The following SYNE2 variants were observed in gnomAD, a reference collection of about 807,000 sequenced individuals.
SYNE2 encodes nesprin-2.
In SYNE2, 431 loss-of-function variants were observed where a neutral mutation model predicts 856.3. The ratio of observed to expected loss-of-function variants is 0.50; its 90% CI spans 0.47 to 0.55. SYNE2 has a LOEUF of 0.55. SYNE2 is among the 20% of genes least tolerant of loss of function. The pLI is 0.00. For synonymous variants in SYNE2, 2,923 were observed against 2,872.3 expected, an observed-to-expected ratio of 1.02 and a Z score of -0.56; for missense variants, 8,129 against 8,023.2, an observed-to-expected ratio of 1.01 and a Z score of -0.50.
At position 64,225,342 on chromosome 14, in the gene SYNE2, A is replaced by G; in HGVS notation, c.20540A>G (p.Gln6847Arg). ...AGGGTCCCCGGCAGCACACGGCCAC[A>G]GCGCTCCTTCCTCTCAAGGGTGGTC... ...ESRVPGSTRP[Q>R]RSFLSRVVRA... is the part of the protein sequence containing the mutation. The change falls in exon 116 of 116, where the codon CAG becomes CGG. Residue 6847 changes from glutamine (Q) to arginine (R), a missense_variant. By Grantham distance (43) the Gln-to-Arg change is conservative. Transcript: ENST00000555002. 1 of 1,614,114 alleles carries G rather than the reference A, an allele frequency of 6.2e-7. No homozygotes were observed.
intron 1 of SYNE2, among the ~76,000 whole-genome samples, chr14:63,782,492 G>C (rs1449959017): frequency 3.3e-5 from 4 of 121,096 alleles, no homozygotes; most frequent in Non-Finnish European, 7.0e-5. Context: ...AAAAAAAAGA[G>C]TGACTGGAAC....
chr14:64,172,885 T>A (rs1344364105), intron 94 of SYNE2, among the ~76,000 whole-genome samples: 4 of 150,760 alleles, frequency 2.7e-5, no homozygotes, highest in African/African-American at 7.4e-5. Context: ...CAACGAGCCA[T>A]GGTCACACCA....
rs573339033 is a variant in SYNE2 at position 64,012,336 on chromosome 14, A to G, written c.4728+2220A>G. Among the ~76,000 whole-genome samples the G allele has an allele frequency of 8.5e-5, 13 of 152,272 alleles. No homozygotes were observed. The East Asian group carries it at 9.6e-4, about 11-fold the overall frequency. The stretch of plus-strand genomic sequence containing the variant: ...CTACCTGAGAGTATTCTTATCCTCT[A>G]TTCTCTGTGTGCTTGTTGGTTTGTA... On this transcript the variant is annotated intron_variant, in intron 32 of 115. Transcript: ENST00000555002.
intron 43 of SYNE2, 33 bp downstream of exon 43, chr14:64,027,826 G>T: frequency 5.2e-6 from 8 of 1,542,428 alleles, no homozygotes; most frequent in Non-Finnish European, 7.2e-6. Context: ...TTAAATGATT[G>T]TTCTAATTAT....
intron 69 of SYNE2, 49 bp downstream of exon 69, chr14:64,122,182 G>T (rs755952404): frequency 1.2e-6 from 2 of 1,613,928 alleles, no homozygotes; most frequent in South Asian, 1.1e-5. Flanking sequence ...TTATGACTGG[G>T]AGAATTAAGA....
At chr14:63,789,401 G>C (rs914781456) in intron 1 of SYNE2, among the ~76,000 whole-genome samples, 1 of 152,086 alleles carries the variant, frequency 6.6e-6, no homozygotes, top group East Asian at 1.9e-4. Flanking sequence ...GTAAAGATAC[G>C]AAGGAATTTT....
intron 84 of SYNE2, among the ~76,000 whole-genome samples, chr14:64,152,344 T>C (rs1399787663): frequency 7.2e-5 from 11 of 152,332 alleles, no homozygotes; most frequent in Admixed American, 3.3e-4. Flanking sequence ...TGCTCTGCCA[T>C]GATGGTTCAG....
At chr14:63,958,533 T>G (rs559684304) in intron 8 of SYNE2, among the ~76,000 whole-genome samples, 1 of 152,328 alleles carries the variant, frequency 6.6e-6, no homozygotes, top group South Asian at 2.1e-4. Context: ...TTCAAGGGTA[T>G]ATATTGTCAA....
chr14:63,815,689 G>C (rs1442490358), intron 1 of SYNE2, among the ~76,000 whole-genome samples: 1 of 151,942 alleles, frequency 6.6e-6, no homozygotes, highest in African/African-American at 2.4e-5. Context: ...ATATCAAGTG[G>C]AAAACTTGAT....
intron 65 of SYNE2, among the ~76,000 whole-genome samples, chr14:64,110,784 A>G (rs1372210185): frequency 6.6e-6 from 1 of 152,128 alleles, no homozygotes; most frequent in Admixed American, 6.5e-5. Context: ...CAGAAGCAAC[A>G]TGGTAAAAAG....
chr14:64,095,269 A>G (rs2097667144), intron 61 of SYNE2: 1 of 159,144 alleles, frequency 6.3e-6, no homozygotes. Context: ...AATTGTGGAC[A>G]TTTTTCTTTG....
intron 85 of SYNE2, among the ~76,000 whole-genome samples, chr14:64,155,571 A>G (rs935339470): frequency 2.6e-5 from 4 of 151,294 alleles, no homozygotes; most frequent in Non-Finnish European, 5.9e-5. Flanking sequence ...ATATTTCAAT[A>G]AAGTAAAAAA....
intron 34 of SYNE2, among the ~76,000 whole-genome samples, chr14:64,018,565 A>G (rs1013859205): frequency 1.3e-5 from 2 of 152,326 alleles, no homozygotes; most frequent in Admixed American, 1.3e-4. Context: ...TTAAAGGGCC[A>G]TATAGTAAAT....
intron 96 of SYNE2, among the ~76,000 whole-genome samples, chr14:64,183,532 G>A (rs2098472294): frequency 6.6e-6 from 1 of 152,194 alleles, no homozygotes; most frequent in Non-Finnish European, 1.5e-5. Context: ...GGCAGAGGCT[G>A]CAGTCTCGGC....
At chr14:64,212,763 G>C in intron 104 of SYNE2, 48 bp from the exon 105 acceptor site, 1 of 1,574,644 alleles carries the variant, frequency 6.4e-7, no homozygotes, top group Non-Finnish European at 8.7e-7. Flanking sequence ...GGCAGTGGAA[G>C]CTCAGGGTAA....
At chr14:63,979,388 T>C (rs554920637) in intron 14 of SYNE2, among the ~76,000 whole-genome samples, 56 of 152,394 alleles carry the variant, frequency 3.7e-4, no homozygotes, top group Admixed American at 5.9e-4. Context: ...ATTTTTCTTA[T>C]AACATTTTGA....
chr14:64,188,123 ATGTT>A (rs1369111728), intron 97 of SYNE2, among the ~76,000 whole-genome samples: 3 of 152,226 alleles, frequency 2.0e-5, no homozygotes, highest in African/African-American at 7.2e-5. Flanking sequence ...TGCATTATAA[ATGTT>A]TGATTGACAT....
chr14:64,152,548 C>G lies in SYNE2; in HGVS notation c.15640-16C>G, dbSNP rs767168628. 1.2e-6 allele frequency: 2 copies of G among 1,613,608 alleles called. No individual in the cohort carries two copies. The highest frequency in any genetic ancestry group is 2.7e-5 in the African/African-American group (2 of 74,904). On this transcript the variant is annotated splice_polypyrimidine_tract_variant and intron_variant, in intron 84 of 115. Transcript: ENST00000555002. ...TAATATTGTGCATTGAAAACCTTTT[C>G]CTCTTACTCTTCCAGGATATAGAAA...
intron 102 of SYNE2, 55 bp downstream of exon 102, chr14:64,209,633 T>G: frequency 1.2e-6 from 2 of 1,606,274 alleles, no homozygotes; most frequent in Admixed American, 1.7e-5. Flanking sequence ...GCAGCGAGCC[T>G]GGGGGCTGCT....
Sources: gnomAD v4.1 joint callset for allele counts (sites outside exome capture counted in the v4.1 genomes callset) on GRCh38, gnomAD v4.1.1 for gene constraint, MANE v1.5 for transcripts, NCBI Gene and HGNC (gene_info 2026-07-23, HGNC 2026-07-21) for gene names.